Variants in VGLL4 observed in about 807,000 individuals in gnomAD.
VGLL4 encodes vestigial like family member 4.
Under a neutral mutation model 21.0 loss-of-function variants are expected in VGLL4, and 7 were observed. That is an observed-to-expected ratio of 0.33 (90% CI 0.19 to 0.63). The LOEUF (loss-of-function observed/expected upper bound fraction) is 0.63, where lower values mean the gene tolerates loss of function less well. Ranked by LOEUF, VGLL4 falls within the 20% of genes least tolerant of loss-of-function variation. The pLI is 0.78. For missense variants in VGLL4, 394 were observed against 425.7 expected (o/e 0.93, Z 0.66); for synonymous variants, 222 against 173.2 (o/e 1.28, Z -2.21).
chr3:11,576,112 C>G (rs768904988), intron 2 of VGLL4, among the ~76,000 whole-genome samples: 2 of 152,116 alleles, frequency 1.3e-5, no homozygotes, highest in Non-Finnish European at 2.9e-5. Flanking sequence ...AGAACATGAC[C>G]GGTAAAGCAT....
At chr3:11,590,663 AGTGTGTGTGTGTGTGTGTGTGTGTGT>A (rs10592668) in intron 2 of VGLL4, among the ~76,000 whole-genome samples, 3 of 147,274 alleles carry the variant, frequency 2.0e-5, no homozygotes, top group East Asian at 2.0e-4. Flanking sequence ...CAAAATGAAG[AGTGTGTGTGTGTGTGTGTGTGTGTGT>A]GTGTGTGTGT....
At chr3:11,631,137 G>A (rs1232471247) in intron 1 of VGLL4, among the ~76,000 whole-genome samples, 4 of 152,128 alleles carry the variant, frequency 2.6e-5, no homozygotes, top group Non-Finnish European at 5.9e-5. Flanking sequence ...TACTTTATAC[G>A]ACGTTCAAGA....
At chr3:11,572,191 G>A (rs2073801808) in intron 2 of VGLL4, among the ~76,000 whole-genome samples, 1 of 152,186 alleles carries the variant, frequency 6.6e-6, no homozygotes, top group African/African-American at 2.4e-5. Context: ...TGAAGGACAT[G>A]CCCAATCATA....
In VGLL4 at chr3:11,565,948, C is replaced by T. The variant is rs988908087; in HGVS notation, c.273-929G>A. ...TTCAATCCACCATATTATCCGCTGACAGAGTAACCTTTTTCCGTAACTCAT... is the reference window on the plus strand; with the variant it reads ...TTCAATCCACCATATTATCCGCTGATAGAGTAACCTTTTTCCGTAACTCAT... On this transcript the variant is annotated intron_variant, in intron 2 of 4. Coordinates refer to ENST00000430365, the MANE Select transcript of VGLL4 (RefSeq NM_001128219.3). This position sits in a 1 kb window ranked among gnomAD's most constrained non-coding sequence, Gnocchi z 4.1. Among the ~76,000 whole-genome samples, 1 of 152,198 alleles carries T rather than the reference C, an allele frequency of 6.6e-6. No individual in the cohort carries two copies. The highest frequency in any genetic ancestry group is 2.4e-5 in the African/African-American group (1 of 41,448).
At chr3:11,604,680 C>T in intron 1 of VGLL4, 6 of 402,952 alleles carry the variant, frequency 1.5e-5, no homozygotes, top group Non-Finnish European at 2.0e-5. Context: ...AATTTGGGCA[C>T]GTGCTTCCCC....
intron 2 of VGLL4, among the ~76,000 whole-genome samples, chr3:11,649,632 A>G (rs1255694775): frequency 6.6e-6 from 1 of 152,256 alleles, no homozygotes; most frequent in Non-Finnish European, 1.5e-5. Flanking sequence ...AAAAATAATA[A>G]GAATCCAAAC....
chr3:11,599,248 A>G (rs1018431948), intron 2 of VGLL4, among the ~76,000 whole-genome samples: 1 of 151,994 alleles, frequency 6.6e-6, no homozygotes, highest in Non-Finnish European at 1.5e-5. Flanking sequence ...TCCTCCTTAC[A>G]CTGTACACTT....
intron 2 of VGLL4, among the ~76,000 whole-genome samples, chr3:11,666,705 C>A (rs974309096): frequency 6.6e-6 from 1 of 152,158 alleles, no homozygotes. Flanking sequence ...TGGACACAGG[C>A]TTGGAAATCC....
At chr3:11,613,756 C>T (rs2075107599) in intron 1 of VGLL4, among the ~76,000 whole-genome samples, 1 of 152,220 alleles carries the variant, frequency 6.6e-6, no homozygotes, top group Admixed American at 6.5e-5. Flanking sequence ...GGTCCCAGCC[C>T]AGAACAGGCA....
chr3:11,639,258 C>T (rs1016165321), intron 1 of VGLL4, among the ~76,000 whole-genome samples: 1 of 152,372 alleles, frequency 6.6e-6, no homozygotes, highest in South Asian at 2.1e-4. Context: ...GTCCCTGTCC[C>T]TGCTCCCTGG....
intron 2 of VGLL4, among the ~76,000 whole-genome samples, chr3:11,588,576 A>C (rs543490446): frequency 6.6e-6 from 1 of 152,368 alleles, no homozygotes; most frequent in East Asian, 1.9e-4. Context: ...AGCACCAGTA[A>C]GACCAGCCAG....
At chr3:11,597,661 T>A (rs1484883749) in intron 2 of VGLL4, among the ~76,000 whole-genome samples, 12 of 152,156 alleles carry the variant, frequency 7.9e-5, no homozygotes, top group Admixed American at 7.9e-4. Flanking sequence ...CAAGTTCCTA[T>A]TTGTTAAATC....
chr3:11,581,701 A>G (rs2074232691), intron 2 of VGLL4, among the ~76,000 whole-genome samples: 1 of 152,192 alleles, frequency 6.6e-6, no homozygotes, highest in African/African-American at 2.4e-5. Flanking sequence ...TTCCATGGAG[A>G]GAAGTGGTCA....
Position 11,558,127 on chromosome 3 carries a change from C to A in VGLL4, c.*429G>T. 1 of 222,018 alleles carries A rather than the reference C, an allele frequency of 4.5e-6. No individual in the cohort carries two copies. Among genetic ancestry groups the A allele is most frequent in the East Asian group, 9.9e-5 (1 of 10,068 alleles). The allele number at this position is 222,018 out of a possible 1,614,324, so 13.8% of individuals were successfully genotyped here. On this transcript the variant is annotated 3_prime_UTR_variant, in exon 5 of 5. Transcript: ENST00000430365. The stretch of plus-strand genomic sequence containing the variant: ...AGTATACACACGCACACACATGGAC[C>A]GAACCAAACACGCCGTGGAAGCTGA...
At chr3:11,676,972 A>G (rs1414997887) in intron 2 of VGLL4, among the ~76,000 whole-genome samples, 8 of 152,202 alleles carry the variant, frequency 5.3e-5, no homozygotes, top group Non-Finnish European at 1.0e-4. Context: ...GTCATGCGTA[A>G]TTCTACCATT....
At chr3:11,657,425 A>T (rs1448435813) in intron 2 of VGLL4, among the ~76,000 whole-genome samples, 1 of 152,200 alleles carries the variant, frequency 6.6e-6, no homozygotes, top group East Asian at 1.9e-4. Context: ...ACAAAAAAAT[A>T]AAAAAGAGAC....
At chr3:11,681,216 G>C (rs2076364336) in intron 2 of VGLL4, among the ~76,000 whole-genome samples, 1 of 152,102 alleles carries the variant, frequency 6.6e-6, no homozygotes, top group African/African-American at 2.4e-5. Flanking sequence ...TCCTGCCTCA[G>C]CCTCCCGAGT....
At chr3:11,666,909 G>A (rs906840924) in intron 2 of VGLL4, among the ~76,000 whole-genome samples, 4 of 152,106 alleles carry the variant, frequency 2.6e-5, no homozygotes, top group South Asian at 2.1e-4. Flanking sequence ...TCCTATCTGC[G>A]GCGCCTGCTC....
chr3:11,699,783 A>C (rs779844605), intron 2 of VGLL4: 1 of 152,248 alleles, frequency 6.6e-6, no homozygotes, highest in Non-Finnish European at 1.5e-5. Context: ...ATTGCACTCC[A>C]GCCTAAGTGA....
Sources: gnomAD v4.1 joint callset for allele counts (sites outside exome capture counted in the v4.1 genomes callset) on GRCh38, gnomAD v4.1.1 for gene constraint, Gnocchi (gnomAD v3.1) non-coding constraint, MANE v1.5 for transcripts, NCBI Gene and HGNC (gene_info 2026-07-23, HGNC 2026-07-21) for gene names.